The following TNFRSF11A variants were observed in gnomAD, a reference collection of about 807,000 sequenced individuals.
The protein encoded by TNFRSF11A is TNF receptor superfamily member 11a, also known as tumor necrosis factor receptor superfamily member 11A.
Under a neutral mutation model 55.7 loss-of-function variants are expected in TNFRSF11A, and 32 were observed. The observed-to-expected ratio is 0.57, with a 90% confidence interval of 0.43 to 0.77. The LOEUF is 0.77. Among genes scored for constraint, TNFRSF11A ranks in the 30% least tolerant of loss-of-function variants. TNFRSF11A has a pLI of 0.00. For synonymous variants in TNFRSF11A, 311 were observed against 331.0 expected (o/e 0.94, Z 0.65); for missense variants, 753 against 809.8 (o/e 0.93, Z 0.85).
intron 1 of TNFRSF11A, among the ~76,000 whole-genome samples, chr18:62,344,821 G>A (rs553424968): frequency 5.3e-5 from 8 of 152,302 alleles, no homozygotes; most frequent in African/African-American, 1.4e-4. Flanking sequence ...AGGGACAGCC[G>A]TTCATTCATG....
At chr18:62,362,760 G>A (rs1397158093) in intron 7 of TNFRSF11A, among the ~76,000 whole-genome samples, 2 of 151,982 alleles carry the variant, frequency 1.3e-5, no homozygotes, top group Non-Finnish European at 2.9e-5. Flanking sequence ...TAATATTCAA[G>A]TCATTCTCTT....
chr18:62,384,418 T>C, intron 9 of TNFRSF11A, among the ~76,000 whole-genome samples: 1 of 120,490 alleles, frequency 8.3e-6, no homozygotes, highest in East Asian at 3.0e-4. Context: ...TCCTCTCTCC[T>C]TCCTCTTCCT....
At chr18:62,381,864 A>G (rs552217959) in intron 9 of TNFRSF11A, among the ~76,000 whole-genome samples, 4 of 152,038 alleles carry the variant, frequency 2.6e-5, no homozygotes, top group East Asian at 1.9e-4. Flanking sequence ...GACTTTTTCT[A>G]TTAACCAAGT....
At chr18:62,335,847 A>G (rs904546696) in intron 1 of TNFRSF11A, among the ~76,000 whole-genome samples, 1 of 152,214 alleles carries the variant, frequency 6.6e-6, no homozygotes, top group Non-Finnish European at 1.5e-5. Context: ...ATGAGGTTAC[A>G]GTGGTCTTTG....
At chr18:62,374,372 C>T (rs1910751845) in intron 9 of TNFRSF11A, among the ~76,000 whole-genome samples, 1 of 152,118 alleles carries the variant, frequency 6.6e-6, no homozygotes, top group Admixed American at 6.5e-5. Flanking sequence ...CTTCTAAATG[C>T]CTGAAACAGA....
intron 2 of TNFRSF11A, among the ~76,000 whole-genome samples, 171 bp from the exon 3 acceptor site, chr18:62,349,641 A>G (rs1305474792): frequency 6.6e-6 from 1 of 152,010 alleles, no homozygotes; most frequent in African/African-American, 2.4e-5. Flanking sequence ...CAGTCACTGC[A>G]TTGTGGCCTC....
In TNFRSF11A at chr18:62,389,434, C is replaced by T. The variant is rs1426844512; in HGVS notation, c.*4400C>T. On this transcript the variant is annotated 3_prime_UTR_variant, in exon 10 of 10. Coordinates refer to ENST00000586569, the MANE Select transcript of TNFRSF11A (RefSeq NM_003839.4). ...TGCAGGGGGAGCCGCCCTGGACCAA[C>T]ACCCCCATGGCTGCCCCACTGCGGA... The T allele has an allele frequency of 6.6e-6, 1 of 152,384 alleles. No individual in the cohort carries two copies. The allele number at this position is 152,384 out of a possible 1,614,324, so 9.4% of individuals were successfully genotyped here.
rs762005820 is a variant in TNFRSF11A at position 62,361,800 on chromosome 18, T to C, written c.730+7T>C. 1.2e-6 allele frequency: 2 copies of C among 1,611,828 alleles called. No individual in the cohort carries two copies. Among genetic ancestry groups the C allele is most frequent in the African/African-American group, 2.7e-5 (2 of 74,862 alleles). On this transcript the variant is annotated splice_region_variant and intron_variant, in intron 7 of 9. Coordinates refer to ENST00000586569, the MANE Select transcript of TNFRSF11A (RefSeq NM_003839.4). ...AAAGGGAAAGCACTCACAGGTATTGTGTCTATGGTGGTTTTTGCAAACCAA... is the reference window on the plus strand; with the variant it reads ...AAAGGGAAAGCACTCACAGGTATTGCGTCTATGGTGGTTTTTGCAAACCAA...
rs2145294942 is a variant in TNFRSF11A at position 62,349,871 on chromosome 18, C to T, written c.217C>T (p.Pro73Ser). 6.2e-7 allele frequency: 1 copy of T among 1,613,972 alleles called. No individual in the cohort carries two copies. Among genetic ancestry groups the T allele is most frequent in the Non-Finnish European group, 8.5e-7 (1 of 1,179,990 alleles). Residue 73 changes from proline (P) to serine (S), a missense_variant, in exon 3 of 10, where the codon CCG becomes TCG. Physicochemically the swap from Pro to Ser is moderately conservative, Grantham distance 74 (BLOSUM62 -1). Coordinates refer to ENST00000586569, the MANE Select transcript of TNFRSF11A (RefSeq NM_003839.4). ...TSDSVCLPCG[P>S]DEYLDSWNEE... ...TGACAGTGTATGTCTGCCCTGTGGC[C>T]CGGATGAATACTTGGATAGCTGGAA... is the stretch of plus-strand genomic sequence containing the variant.
At chr18:62,331,714 C>A (rs1046614918) in intron 1 of TNFRSF11A, among the ~76,000 whole-genome samples, 3 of 152,236 alleles carry the variant, frequency 2.0e-5, no homozygotes, top group African/African-American at 4.8e-5. Flanking sequence ...AAATATGTCA[C>A]CTAACCCCAA....
chr18:62,390,881 G>A lies in TNFRSF11A; in HGVS notation c.*5847G>A, dbSNP rs1326940204. 1.3e-5 allele frequency: 2 copies of A among 152,144 alleles called. No individual in the cohort carries two copies. The highest frequency in any genetic ancestry group is 2.4e-5 in the African/African-American group (1 of 41,432). 9.4% of individuals were successfully genotyped at this position (152,144 alleles called of 1,614,324 possible). A position where few individuals can be genotyped will look rare whatever the true frequency, so the allele number is the denominator to read the frequency against. ...GGGTCTATTGAGTTTGTTATATACA[G>A]TAAAATTCACCCTTTTTAGATATAT... On this transcript the variant is annotated 3_prime_UTR_variant, in exon 10 of 10. Transcript: ENST00000586569.
rs1360800757 is a variant in TNFRSF11A at position 62,384,739 on chromosome 18, C to T, written c.1568-12C>T. 1 of 1,610,624 alleles carries T rather than the reference C, an allele frequency of 6.2e-7. No homozygotes were observed. The highest frequency in any genetic ancestry group is 8.5e-7 in the Non-Finnish European group (1 of 1,178,440). On this transcript the variant is annotated splice_polypyrimidine_tract_variant and intron_variant, in intron 9 of 9. Coordinates refer to ENST00000586569, the MANE Select transcript of TNFRSF11A (RefSeq NM_003839.4). ...CTCACCCTCCCCGTGTTCTCCCTTC[C>T]TCTCCCCGCAGGAAATGTGACTGGA...
At chr18:62,358,049 C>A (rs1218309082) in intron 4 of TNFRSF11A, 199 bp from the exon 5 acceptor site, 7 of 593,832 alleles carry the variant, frequency 1.2e-5, no homozygotes, top group Non-Finnish European at 1.2e-5. Flanking sequence ...CTGCTGGGGT[C>A]AGAACTGCTC....
chr18:62,386,894 A>G lies in TNFRSF11A; in HGVS notation c.*1860A>G, dbSNP rs371660186. On this transcript the variant is annotated 3_prime_UTR_variant, in exon 10 of 10. Coordinates refer to ENST00000586569, the MANE Select transcript of TNFRSF11A (RefSeq NM_003839.4). Reference sequence around the variant, plus strand: ...CGTCATTCCTGCCCTTTTATTTAACATCATCCACAGAGAGATGTTATACAA... The same window carrying G: ...CGTCATTCCTGCCCTTTTATTTAACGTCATCCACAGAGAGATGTTATACAA... 7 of 152,296 alleles carry G rather than the reference A, an allele frequency of 4.6e-5. No homozygotes were observed. The East Asian group carries it at 1.2e-3, about 25-fold the overall frequency. The allele number at this position is 152,296 out of a possible 1,614,324, so 9.4% of individuals were successfully genotyped here.
Position 62,368,730 on chromosome 18 carries a change from A to T in TNFRSF11A, c.813A>T (p.Thr271=). The part of the protein sequence containing the change: ...KESSGDSCVS[T]HTANFGQQGA... ...CCTCAGGTGACAGTTGTGTCAGTAC[A>T]CACACGGCAAACTTTGGTCAGCAGG... is the stretch of plus-strand genomic sequence containing the variant. Residue 271 remains threonine, a synonymous_variant, in exon 9 of 10, where the codon ACA becomes ACT. Transcript: ENST00000586569. 6.2e-7 allele frequency: 1 copy of T among 1,614,250 alleles called. No homozygotes were observed.
intron 4 of TNFRSF11A, 50 bp from the exon 5 acceptor site, chr18:62,358,198 T>G: frequency 3.2e-6 from 5 of 1,555,934 alleles, no homozygotes; most frequent in Non-Finnish European, 3.5e-6. Flanking sequence ...GTGACCTCGT[T>G]TGTTTTTTGT....
At chr18:62,356,291 A>T (rs990153608) in intron 4 of TNFRSF11A, among the ~76,000 whole-genome samples, 10 of 152,218 alleles carry the variant, frequency 6.6e-5, no homozygotes, top group African/African-American at 1.4e-4. Context: ...TAACTGACAC[A>T]TTCGGTCTTT....
At chr18:62,353,239 G>C (rs759896233) in intron 3 of TNFRSF11A, among the ~76,000 whole-genome samples, 2 of 152,178 alleles carry the variant, frequency 1.3e-5, no homozygotes, top group African/African-American at 2.4e-5. Flanking sequence ...GTGTGTTTCT[G>C]TTAAAGACAC....
At chr18:62,365,483 C>G (rs755040041) in intron 7 of TNFRSF11A, among the ~76,000 whole-genome samples, 40 of 152,104 alleles carry the variant, frequency 2.6e-4, no homozygotes, top group Non-Finnish European at 3.8e-4. Context: ...TCTTGGGGCC[C>G]GCTGGTCTCA....
Sources: gnomAD v4.1 joint callset for allele counts (sites outside exome capture counted in the v4.1 genomes callset) on GRCh38, gnomAD v4.1.1 for gene constraint, MANE v1.5 for transcripts, NCBI Gene and HGNC (gene_info 2026-07-23, HGNC 2026-07-21) for gene names.